Variants in OGN observed in about 807,000 individuals in gnomAD.
The protein encoded by OGN is osteoglycin.
OGN carries 19 observed loss-of-function variants against 30.8 expected under a neutral mutation model. That is an observed-to-expected ratio of 0.62 (90% CI 0.43 to 0.90). The LOEUF is 0.90. Among genes scored for constraint, OGN ranks in the 40% least tolerant of loss-of-function variants. The probability of loss-of-function intolerance (pLI) is 0.00; values close to 1 mark genes in which losing one functional copy is unlikely to be tolerated. For synonymous variants in OGN, 126 were observed against 128.3 expected, an observed-to-expected ratio of 0.98 and a Z score of 0.12; for missense variants, 283 against 349.7, an observed-to-expected ratio of 0.81 and a Z score of 1.52.
chr9:92,404,546 G>A lies in OGN; in HGVS notation c.-126C>T. 7.7e-7 allele frequency: 1 copy of A among 1,299,656 alleles called. No individual in the cohort carries two copies. The highest frequency in any genetic ancestry group is 1.0e-6 in the Non-Finnish European group (1 of 988,330). 80.5% of individuals were successfully genotyped at this position (1,299,656 alleles called of 1,614,324 possible). ...GTGGTTTTCCTCAATAGATGTTCAT[G>A]TCTGTGCATTAGCCCCAAGTGGGAG... On this transcript the variant is annotated 5_prime_UTR_variant, in exon 1 of 7. Coordinates refer to ENST00000375561, the MANE Select transcript of OGN (RefSeq NM_014057.5).
intron 1 of OGN, 60 bp from the exon 2 acceptor site, chr9:92,403,542 A>T (rs1843205543): frequency 7.1e-7 from 1 of 1,400,220 alleles, no homozygotes; most frequent in Non-Finnish European, 9.3e-7. Flanking sequence ...ATGTTTTGGC[A>T]GGGTGTGCGC....
At chr9:92,395,228 A>T (rs1242777423) in intron 3 of OGN, among the ~76,000 whole-genome samples, 1 of 152,192 alleles carries the variant, frequency 6.6e-6, no homozygotes, top group Non-Finnish European at 1.5e-5. Context: ...GCAATGACTG[A>T]CCTGCTTTTG....
In OGN at chr9:92,393,175, G is replaced by T; in HGVS notation, c.338C>A (p.Ala113Asp). The T allele has an allele frequency of 6.2e-7, 1 of 1,613,594 alleles. No homozygotes were observed. The highest frequency in any genetic ancestry group is 8.5e-7 in the Non-Finnish European group (1 of 1,179,664). The part of the protein sequence containing the change: ...SVYCEEVDID[A>D]VPPLPKESAY... ...TGATTCCTTTGGTAAGGGTGGTACA[G>T]CATCAATGTCAACTTCTTCACAGTA... The change falls in exon 4 of 7, where the codon GCT becomes GAT. Residue 113 changes from alanine to aspartate, a missense_variant. Ala to Asp is a moderately radical substitution (Grantham distance 126, BLOSUM62 -2). Transcript: ENST00000375561.
chr9:92,395,831 T>C (rs1049306246), intron 3 of OGN, among the ~76,000 whole-genome samples: 51 of 152,230 alleles, frequency 3.4e-4, no homozygotes, highest in Middle Eastern at 3.4e-3. Flanking sequence ...TTTTTTTTTT[T>C]CCCTCTTACT....
intron 5 of OGN, among the ~76,000 whole-genome samples, chr9:92,387,429 G>A (rs867919435): frequency 2.6e-5 from 4 of 151,864 alleles, no homozygotes; most frequent in African/African-American, 9.7e-5. Context: ...AAGCAGTTTA[G>A]CAAACAGTTA....
chr9:92,396,639 CT>C (rs1172659060), intron 3 of OGN, among the ~76,000 whole-genome samples: 1 of 151,092 alleles, frequency 6.6e-6, no homozygotes, highest in Non-Finnish European at 1.5e-5. Context: ...TCATGGTTCA[CT>C]GCAAACCTCG....
In OGN at chr9:92,383,588, C is replaced by T. The variant is rs1842319354; in HGVS notation, c.*2032G>A. On this transcript the variant is annotated 3_prime_UTR_variant, in exon 7 of 7. Transcript: ENST00000375561. Reference sequence around the variant, plus strand: ...ATATTTTTACTTTCTCTAATTATTTCGTCTGATATCTTCTGAATCTTGGTG... The same window carrying T: ...ATATTTTTACTTTCTCTAATTATTTTGTCTGATATCTTCTGAATCTTGGTG... Among the ~76,000 whole-genome samples the T allele has an allele frequency of 6.6e-6, 1 of 151,368 alleles. No homozygotes were observed. Among genetic ancestry groups the T allele is most frequent in the Middle Eastern group, 3.7e-3 (1 of 270 alleles).
intron 3 of OGN, among the ~76,000 whole-genome samples, chr9:92,399,240 A>T (rs1304528735): frequency 6.6e-6 from 1 of 151,934 alleles, no homozygotes; most frequent in African/African-American, 2.4e-5. Context: ...TCATACTTCA[A>T]TTTTTTTCAA....
intron 3 of OGN, among the ~76,000 whole-genome samples, chr9:92,396,385 A>C (rs895101583): frequency 2.6e-5 from 4 of 152,006 alleles, no homozygotes; most frequent in African/African-American, 9.7e-5. Context: ...TAAACAAAAA[A>C]AAAACCTATT....
chr9:92,390,516 A>G (rs1441433711), intron 4 of OGN, among the ~76,000 whole-genome samples: 1 of 152,188 alleles, frequency 6.6e-6, no homozygotes, highest in Non-Finnish European at 1.5e-5. Context: ...ACAAAGACAA[A>G]GATGTTCCCT....
chr9:92,399,546 T>A (rs1297309403), intron 3 of OGN, among the ~76,000 whole-genome samples: 1 of 152,220 alleles, frequency 6.6e-6, no homozygotes, highest in Non-Finnish European at 1.5e-5. Flanking sequence ...TTACCACAGG[T>A]ATTTTTAGGG....
At chr9:92,404,584 A>G (rs750617350), upstream of OGN, 1 of 1,292,896 alleles carries the variant, frequency 7.7e-7, no homozygotes, top group Non-Finnish European at 1.0e-6. Context: ...TGAATGAGAA[A>G]AGCTATGTCT....
chr9:92,400,550 T>C (rs1399377595), intron 3 of OGN, among the ~76,000 whole-genome samples: 1 of 152,242 alleles, frequency 6.6e-6, no homozygotes, highest in Non-Finnish European at 1.5e-5. Flanking sequence ...ATTTTAGAAA[T>C]ATAGAAATTA....
rs1842625825 is a variant in OGN, at chr9:92,390,473, C to A, written c.428-417G>T. ...GTGATTCTGAGTATGTTATCTTAATCTTAATCTCTCTATGCCTTATCGCTT... is the reference window on the plus strand; with the variant it reads ...GTGATTCTGAGTATGTTATCTTAATATTAATCTCTCTATGCCTTATCGCTT... On this transcript the variant is annotated intron_variant, in intron 4 of 6. Coordinates refer to ENST00000375561, the MANE Select transcript of OGN (RefSeq NM_014057.5). 2.0e-5 allele frequency among the ~76,000 whole-genome samples: 3 copies of A among 152,036 alleles called. No homozygotes were observed. In the South Asian group the frequency reaches 6.2e-4, roughly 32 times the overall value.
At position 92,403,369 on chromosome 9, in the gene OGN, A is replaced by G; in HGVS notation, c.39T>C (p.Leu13=). 1.2e-6 allele frequency: 2 copies of G among 1,613,318 alleles called. No individual in the cohort carries two copies. The highest frequency in any genetic ancestry group is 1.7e-6 in the Non-Finnish European group (2 of 1,179,482). ...TLQSTLLLLL[L]VPLIKPAPPT... is the part of the protein sequence containing the mutation. ...GTGGTGCTGGCTTTATCAGAGGCAC[A>G]AGCAGTAACAGGAGAAGTGTAGACT... Residue 13 remains leucine (L), a synonymous_variant, in exon 2 of 7, where the codon CTT becomes CTC. Coordinates refer to ENST00000375561, the MANE Select transcript of OGN (RefSeq NM_014057.5).
rs377245938 is a variant in OGN at position 92,400,499 on chromosome 9, C to T, written c.268+593G>A. ...TCTATTTTTACTATCATACTTCTCG[C>T]TTTTTAAGCTTTATTTTCTGTTATG... On this transcript the variant is annotated intron_variant, in intron 3 of 6. Transcript: ENST00000375561. 9.9e-5 allele frequency among the ~76,000 whole-genome samples: 15 copies of T among 152,140 alleles called. No homozygotes were observed. The East Asian group carries it at 1.7e-3, about 18-fold the overall frequency.
chr9:92,393,011 A>G (rs566764001), intron 4 of OGN, 75 bp downstream of exon 4: 5 of 1,183,190 alleles, frequency 4.2e-6, no homozygotes, highest in East Asian at 2.5e-5. Context: ...GGCAGCAACT[A>G]TATAGAAACT....
At chr9:92,397,236 A>G (rs150347647) in intron 3 of OGN, among the ~76,000 whole-genome samples, 30 of 152,198 alleles carry the variant, frequency 2.0e-4, no homozygotes, top group African/African-American at 7.0e-4. Flanking sequence ...CTTATTTCCT[A>G]ACATAGCAAG....
intron 4 of OGN, 100 bp downstream of exon 4, chr9:92,392,986 A>G: frequency 1.1e-6 from 1 of 903,918 alleles, no homozygotes; most frequent in East Asian, 2.7e-5. Flanking sequence ...TCAAGTGACA[A>G]ACCTGAATGT....
Sources: allele counts gnomAD v4.1 joint callset (sites outside exome capture counted in the v4.1 genomes callset), GRCh38; gene constraint gnomAD v4.1.1; transcripts MANE v1.5; gene names NCBI Gene and HGNC (gene_info 2026-07-23, HGNC 2026-07-21).